STPG2: variants seen among roughly 807,000 people sequenced by gnomAD.
STPG2 encodes the protein sperm-tail PG-rich repeat-containing protein 2.
STPG2 carries 56 observed loss-of-function variants against 54.2 expected under a neutral mutation model. The ratio of observed to expected loss-of-function variants is 1.03; its 90% CI spans 0.83 to 1.29. The LOEUF is 1.29. Ranked by LOEUF, STPG2 falls within the 50% of genes most tolerant of loss-of-function variation. The probability of loss-of-function intolerance (pLI) is 0.00; values close to 1 mark genes in which losing one functional copy is unlikely to be tolerated. For synonymous variants in STPG2, 200 were observed against 181.8 expected, an observed-to-expected ratio of 1.10 and a Z score of -0.81; for missense variants, 596 against 544.9, an observed-to-expected ratio of 1.09 and a Z score of -0.93.
chr4:97,700,580 G>A (rs776003187), intron 10 of STPG2, among the ~76,000 whole-genome samples: 1 of 152,204 alleles, frequency 6.6e-6, no homozygotes, highest in South Asian at 2.1e-4. Flanking sequence ...TGGCATGCAA[G>A]TGTCTCACCA....
chr4:97,824,233 C>T (rs1251391699), intron 9 of STPG2, among the ~76,000 whole-genome samples: 1 of 152,090 alleles, frequency 6.6e-6, no homozygotes, highest in Admixed American at 6.5e-5. Context: ...TCTCTGGCCT[C>T]CCTGAGCTCC....
intron 8 of STPG2, among the ~76,000 whole-genome samples, chr4:97,843,418 T>C (rs758680587): frequency 9.9e-5 from 15 of 151,904 alleles, no homozygotes; most frequent in Non-Finnish European, 1.6e-4. Context: ...TAAAATAACA[T>C]AAAGAAGCAT....
chr4:98,018,880 G>A (rs1359910460), intron 5 of STPG2, among the ~76,000 whole-genome samples: 1 of 148,732 alleles, frequency 6.7e-6, no homozygotes, highest in African/African-American at 2.5e-5. Flanking sequence ...TTTTTTTTTT[G>A]TAAATTTGTT....
intron 7 of STPG2, among the ~76,000 whole-genome samples, chr4:97,971,663 G>C (rs1356079652): frequency 2.6e-5 from 4 of 152,102 alleles, no homozygotes; most frequent in Admixed American, 6.6e-5. Flanking sequence ...TGGCGGGCTG[G>C]GGGAGGGATA....
chr4:98,102,132 T>C (rs1156454897), intron 5 of STPG2, among the ~76,000 whole-genome samples: 3 of 152,236 alleles, frequency 2.0e-5, no homozygotes, highest in Non-Finnish European at 2.9e-5. Flanking sequence ...TTATGATATG[T>C]ATTCCATTCT....
Position 97,937,017 on chromosome 4 carries a change from C to A in STPG2, c.1044+6880G>T, listed in dbSNP as rs923582506. Among the ~76,000 whole-genome samples, 4 of 152,152 alleles carry A rather than the reference C, an allele frequency of 2.6e-5. No homozygotes were observed. The East Asian group carries it at 5.8e-4, about 22-fold the overall frequency. On this transcript the variant is annotated intron_variant, in intron 8 of 10. Coordinates refer to ENST00000295268, the MANE Select transcript of STPG2 (RefSeq NM_174952.3). ...CCCTTTCTCTTTCAAGTACTCCAAT[C>A]AGTCATAGGTTCAGTATTTTTTCAT... is the stretch of plus-strand genomic sequence containing the variant.
chr4:97,474,455 C>A (rs925541050), intron 4 of STPG2, among the ~76,000 whole-genome samples: 1 of 152,152 alleles, frequency 6.6e-6, no homozygotes, highest in African/African-American at 2.4e-5. Flanking sequence ...ATTGCCAGCT[C>A]ATGGTGATAA....
intron 8 of STPG2, among the ~76,000 whole-genome samples, chr4:97,863,759 TGG>T (rs1162697887): frequency 6.6e-6 from 1 of 152,142 alleles, no homozygotes; most frequent in Non-Finnish European, 1.5e-5. Flanking sequence ...CATGGTTAAG[TGG>T]GCTTCATCCC....
chr4:97,492,776 C>G (rs935757385), intron 4 of STPG2, among the ~76,000 whole-genome samples: 4 of 150,880 alleles, frequency 2.7e-5, no homozygotes, highest in African/African-American at 9.7e-5. Context: ...GAGACTATAT[C>G]ATTATAACAC....
chr4:97,522,130 T>C (rs573071254), intron 4 of STPG2, among the ~76,000 whole-genome samples: 1 of 152,180 alleles, frequency 6.6e-6, no homozygotes, highest in Admixed American at 6.6e-5. Flanking sequence ...GCGGAAAAGA[T>C]AGTAAAACTT....
chr4:98,063,525 A>G (rs187468203), intron 5 of STPG2, among the ~76,000 whole-genome samples: 9 of 152,312 alleles, frequency 5.9e-5, no homozygotes, highest in African/African-American at 2.2e-4. Flanking sequence ...ATTTTATACA[A>G]TGTAGCCAAA....
chr4:98,137,160 A>G (rs1324309875), intron 1 of STPG2, among the ~76,000 whole-genome samples: 1 of 151,814 alleles, frequency 6.6e-6, no homozygotes, highest in Non-Finnish European at 1.5e-5. Context: ...AAAAGTTATA[A>G]CATGCATCCA....
At chr4:97,937,902 G>A (rs1037230471) in intron 8 of STPG2, among the ~76,000 whole-genome samples, 19 of 152,306 alleles carry the variant, frequency 1.2e-4, no homozygotes, top group African/African-American at 4.1e-4. Context: ...GAAGCCCTTT[G>A]GCTGTCGCTT....
In STPG2 at chr4:98,078,604, G is replaced by A. The variant is rs187455164; in HGVS notation, c.612+27349C>T. On this transcript the variant is annotated intron_variant, in intron 5 of 10. Coordinates refer to ENST00000295268, the MANE Select transcript of STPG2 (RefSeq NM_174952.3). ...AAAAAGAAAAGAAAAAGGAAAAGCA[G>A]GTGTGCAAAGAGTGCAAAGATAAAT... Among the ~76,000 whole-genome samples, 642 of 151,564 alleles carry A rather than the reference G, an allele frequency of 4.2e-3. 3 individuals carry two copies. The highest frequency in any genetic ancestry group is 0.025 in the South Asian group (118 of 4,808).
At chr4:98,069,176 C>T (rs1737926183) in intron 5 of STPG2, among the ~76,000 whole-genome samples, 1 of 152,044 alleles carries the variant, frequency 6.6e-6, no homozygotes, top group South Asian at 2.1e-4. Context: ...AGCTGTAAAA[C>T]ACTTGCACTG....
At chr4:97,990,172 A>G (rs1196041932) in intron 5 of STPG2, among the ~76,000 whole-genome samples, 1 of 152,224 alleles carries the variant, frequency 6.6e-6, no homozygotes, top group African/African-American at 2.4e-5. Context: ...GAAATCTTGA[A>G]TCCTTCAAGA....
At chr4:97,605,325 T>G (rs1168682717) in intron 10 of STPG2, among the ~76,000 whole-genome samples, 4 of 151,938 alleles carry the variant, frequency 2.6e-5, no homozygotes, top group Non-Finnish European at 5.9e-5. Flanking sequence ...TACAATATAC[T>G]TAGTAGTGCT....
intron 8 of STPG2, among the ~76,000 whole-genome samples, chr4:97,875,466 TA>T (rs1441940244): frequency 6.6e-6 from 1 of 151,832 alleles, no homozygotes; most frequent in African/African-American, 2.4e-5. Flanking sequence ...CATTAAATTA[TA>T]GGTAGAATAT....
chr4:97,544,056 T>C (rs1442123945), intron 4 of STPG2, among the ~76,000 whole-genome samples: 1 of 152,108 alleles, frequency 6.6e-6, no homozygotes, highest in Non-Finnish European at 1.5e-5. Context: ...CATGGGAAGT[T>C]TAATTTAAAA....
Sources: allele counts gnomAD v4.1 joint callset (sites outside exome capture counted in the v4.1 genomes callset), GRCh38; gene constraint gnomAD v4.1.1; transcripts MANE v1.5; gene names NCBI Gene and HGNC (gene_info 2026-07-23, HGNC 2026-07-21).